SCHIP1: variants seen among roughly 807,000 people sequenced by gnomAD.
SCHIP1 encodes the protein schwannomin interacting protein 1.
A neutral mutation model predicts 29.7 loss-of-function variants in SCHIP1; 8 were observed. The observed-to-expected ratio is 0.27, with a 90% CI of 0.16 to 0.49. SCHIP1 has a LOEUF of 0.49. Among genes scored for constraint, SCHIP1 ranks in the 20% least tolerant of loss-of-function variants. SCHIP1 has a pLI of 0.99. For missense variants in SCHIP1, 193 were observed against 294.6 expected, an observed-to-expected ratio of 0.66 and a Z score of 2.52; for synonymous variants, 76 against 94.9, an observed-to-expected ratio of 0.80 and a Z score of 1.16.
chr3:159,536,954 T>C, the SCHIP1 span, among the ~76,000 whole-genome samples: 10 of 152,118 alleles, frequency 6.6e-5, no homozygotes, highest in Non-Finnish European at 1.2e-4. Context: ...TATATTGCGG[T>C]TTATTGCTAC....
chr3:159,662,225 G>A, the SCHIP1 span, among the ~76,000 whole-genome samples: 1 of 152,190 alleles, frequency 6.6e-6, no homozygotes, highest in Non-Finnish European at 1.5e-5. Context: ...CTAGACAATA[G>A]GGGAATGACA....
intron 2 of SCHIP1, among the ~76,000 whole-genome samples, chr3:159,876,911 G>A (rs1284415760): frequency 6.6e-6 from 1 of 152,214 alleles, no homozygotes; most frequent in African/African-American, 2.4e-5. Context: ...GTTTGATGCT[G>A]GAGCTTTGTT....
the SCHIP1 span, among the ~76,000 whole-genome samples, chr3:159,495,730 CTT>C: frequency 3.9e-5 from 6 of 152,186 alleles, no homozygotes; most frequent in South Asian, 1.2e-3. Flanking sequence ...CTACCAATGA[CTT>C]TCTTCACAGA....
At chr3:159,371,155 A>T in the SCHIP1 span, among the ~76,000 whole-genome samples, 5 of 152,310 alleles carry the variant, frequency 3.3e-5, no homozygotes, top group South Asian at 1.0e-3. Flanking sequence ...CACTTGGAAC[A>T]TAAAAGACAC....
At chr3:159,750,296 T>TATATATATATATAC in the SCHIP1 span, among the ~76,000 whole-genome samples, 1 of 132,778 alleles carries the variant, frequency 7.5e-6, no homozygotes, top group African/African-American at 3.1e-5. Context: ...TATATATATA[T>TATATATATATATAC]ACACACACAC....
chr3:159,559,709 C>A, the SCHIP1 span, among the ~76,000 whole-genome samples: 2 of 152,132 alleles, frequency 1.3e-5, no homozygotes, highest in Admixed American at 1.3e-4. Flanking sequence ...TTATCATATT[C>A]CCAGAGAGTT....
chr3:159,371,403 G>A, the SCHIP1 span, among the ~76,000 whole-genome samples: 1 of 152,122 alleles, frequency 6.6e-6, no homozygotes, highest in Admixed American at 6.6e-5. Flanking sequence ...TCTACAGAAG[G>A]GACTGAGGAA....
chr3:159,288,694 C>T, the SCHIP1 span, among the ~76,000 whole-genome samples: 43 of 152,286 alleles, frequency 2.8e-4, no homozygotes, highest in African/African-American at 9.1e-4. Context: ...GCCGAGATTG[C>T]GCCAGCCTGG....
chr3:159,759,842 T>C, the SCHIP1 span, among the ~76,000 whole-genome samples: 1 of 152,234 alleles, frequency 6.6e-6, no homozygotes, highest in Non-Finnish European at 1.5e-5. Flanking sequence ...AAGAATTAGT[T>C]TGGAAATTCT....
the SCHIP1 span, among the ~76,000 whole-genome samples, chr3:159,786,035 TCTATGG>T: frequency 6.6e-6 from 1 of 152,222 alleles, no homozygotes; most frequent in Non-Finnish European, 1.5e-5. Context: ...TTTCCCTCCC[TCTATGG>T]GGAAAATCAA....
chr3:159,452,510 A>G, the SCHIP1 span, among the ~76,000 whole-genome samples: 1 of 152,144 alleles, frequency 6.6e-6, no homozygotes, highest in Admixed American at 6.5e-5. Flanking sequence ...ATAATATTCC[A>G]TGGTGTATAT....
the SCHIP1 span, among the ~76,000 whole-genome samples, chr3:159,695,463 C>T: frequency 6.6e-6 from 1 of 152,170 alleles, no homozygotes; most frequent in African/African-American, 2.4e-5. Flanking sequence ...CCTTCTGACT[C>T]CTAGAACCAC....
At chr3:159,313,563 A>C in the SCHIP1 span, among the ~76,000 whole-genome samples, 1 of 152,238 alleles carries the variant, frequency 6.6e-6, no homozygotes, top group Non-Finnish European at 1.5e-5. Flanking sequence ...CAAGAGTTGC[A>C]ATCCTAGTAC....
the SCHIP1 span, among the ~76,000 whole-genome samples, chr3:159,684,919 A>AATGCAGCTGGATCCTGCTTAACCTG: frequency 1.3e-5 from 2 of 152,096 alleles, no homozygotes. Flanking sequence ...TGTTCCTCGA[A>AATGCAGCTGGATCCTGCTTAACCTG]ATGCAGCTGG....
the SCHIP1 span, among the ~76,000 whole-genome samples, chr3:159,414,572 C>T: frequency 6.6e-6 from 1 of 152,066 alleles, no homozygotes; most frequent in African/African-American, 2.4e-5. Context: ...TGTAGTATTG[C>T]TATATTATCA....
the SCHIP1 span, among the ~76,000 whole-genome samples, chr3:159,831,758 G>A: frequency 4.6e-5 from 7 of 152,278 alleles, no homozygotes; most frequent in African/African-American, 1.2e-4. Flanking sequence ...AGGATGGCAC[G>A]AGGGTTCATC....
the SCHIP1 span, among the ~76,000 whole-genome samples, chr3:159,806,629 G>C: frequency 6.6e-6 from 1 of 152,244 alleles, no homozygotes; most frequent in African/African-American, 2.4e-5. Context: ...GGGAGCTGAA[G>C]GCGAGTTCTG....
the SCHIP1 span, among the ~76,000 whole-genome samples, chr3:159,570,355 C>T: frequency 3.3e-5 from 5 of 152,246 alleles, no homozygotes; most frequent in Admixed American, 3.3e-4. Flanking sequence ...TTTCAGCTTT[C>T]TACATATGGC....
At chr3:159,574,788 CTA>C in the SCHIP1 span, among the ~76,000 whole-genome samples, 2 of 152,206 alleles carry the variant, frequency 1.3e-5, no homozygotes, top group African/African-American at 4.8e-5. Context: ...TTCCCAGCCA[CTA>C]TGTTTACCTA....
Sources: allele counts gnomAD v4.1 joint callset (sites outside exome capture counted in the v4.1 genomes callset), GRCh38; gene constraint gnomAD v4.1.1; transcripts MANE v1.5; gene names NCBI Gene and HGNC (gene_info 2026-07-23, HGNC 2026-07-21).